Variants in SIPA1L1 observed in about 807,000 individuals in gnomAD.
The protein encoded by SIPA1L1 is signal induced proliferation associated 1 like 1.
A neutral mutation model predicts 162.7 loss-of-function variants in SIPA1L1; 26 were observed. The ratio of observed to expected loss-of-function variants is 0.16; its 90% confidence interval spans 0.12 to 0.22. The LOEUF is 0.22. SIPA1L1 is among the 10% of genes least tolerant of loss of function. The pLI, the probability that SIPA1L1 is intolerant of heterozygous loss-of-function variation, is 1.00. For synonymous variants in SIPA1L1, 829 were observed against 837.4 expected, an observed-to-expected ratio of 0.99 and a Z score of 0.17; for missense variants, 1,874 against 2,241.0, an observed-to-expected ratio of 0.84 and a Z score of 3.31.
At chr14:71,419,478 CTCTT>C (rs2043024442) in intron 2 of SIPA1L1, among the ~76,000 whole-genome samples, 2 of 128,210 alleles carry the variant, frequency 1.6e-5, no homozygotes, top group Non-Finnish European at 3.2e-5. Flanking sequence ...AGGAGGATCT[CTCTT>C]TTTTTTTTTT....
At chr14:71,720,597 A>G (rs1044843578) in intron 17 of SIPA1L1, among the ~76,000 whole-genome samples, 3 of 151,580 alleles carry the variant, frequency 2.0e-5, no homozygotes, top group Non-Finnish European at 2.9e-5. Flanking sequence ...TTTTGAGGCT[A>G]TTTTCTAGCT....
chr14:71,615,417 A>C (rs1567317386), intron 5 of SIPA1L1, among the ~76,000 whole-genome samples: 1 of 152,208 alleles, frequency 6.6e-6, no homozygotes, highest in African/African-American at 2.4e-5. Flanking sequence ...GTCATCTGGC[A>C]GGGTGAATTA....
intron 2 of SIPA1L1, chr14:71,379,663 G>A (rs1017528304): frequency 6.6e-6 from 1 of 152,160 alleles, no homozygotes; most frequent in African/African-American, 2.4e-5. Flanking sequence ...CACTAATTCA[G>A]TGTTATCTTC....
At chr14:71,661,109 C>T (rs1428565085) in intron 9 of SIPA1L1, among the ~76,000 whole-genome samples, 1 of 152,068 alleles carries the variant, frequency 6.6e-6, no homozygotes, top group Non-Finnish European at 1.5e-5. Flanking sequence ...ATCTTTTATG[C>T]AAATTTCAGA....
intron 2 of SIPA1L1, among the ~76,000 whole-genome samples, chr14:71,342,507 A>G (rs1212761978): frequency 6.6e-6 from 1 of 152,232 alleles, no homozygotes; most frequent in Non-Finnish European, 1.5e-5. Flanking sequence ...AAGTGAAGTT[A>G]ATTGAAAATA....
intron 16 of SIPA1L1, 120 bp downstream of exon 16, chr14:71,705,460 T>A: frequency 1.3e-6 from 1 of 792,302 alleles, no homozygotes; most frequent in Non-Finnish European, 2.1e-6. Context: ...TGGCAAAGAG[T>A]GGTCGTTTGC....
At chr14:71,658,513 A>G in intron 9 of SIPA1L1, 77 bp downstream of exon 9, 1 of 937,660 alleles carries the variant, frequency 1.1e-6, no homozygotes. Flanking sequence ...AGTTTGTAAA[A>G]TCTTAAACCA....
intron 2 of SIPA1L1, among the ~76,000 whole-genome samples, chr14:71,442,230 C>T (rs2044947219): frequency 7.0e-6 from 1 of 142,306 alleles, no homozygotes; most frequent in Non-Finnish European, 1.5e-5. Context: ...ATCTTGCGGG[C>T]TAATTAAAAA....
chr14:71,618,903 G>A lies in SIPA1L1; in HGVS notation c.1629+16G>A. On this transcript the variant is annotated intron_variant, in intron 6 of 23. Transcript: ENST00000381232. ...AACTAGTGAGGTAAGTCGCAAATGAGAGAGGTTTGAGGTTTAACTGAAATG... is the reference window on the plus strand; with the variant it reads ...AACTAGTGAGGTAAGTCGCAAATGAAAGAGGTTTGAGGTTTAACTGAAATG... 1.2e-6 allele frequency: 2 copies of A among 1,611,838 alleles called. No homozygotes were observed. Among genetic ancestry groups the A allele is most frequent in the Non-Finnish European group, 1.7e-6 (2 of 1,178,964 alleles).
At chr14:71,575,660 C>T (rs1485792463) in intron 4 of SIPA1L1, among the ~76,000 whole-genome samples, 1 of 152,156 alleles carries the variant, frequency 6.6e-6, no homozygotes, top group African/African-American at 2.4e-5. Flanking sequence ...TGTTTATTTG[C>T]TGGGATTTTA....
chr14:71,718,314 T>G (rs952596185), intron 17 of SIPA1L1, among the ~76,000 whole-genome samples: 3 of 152,186 alleles, frequency 2.0e-5, no homozygotes, highest in African/African-American at 4.8e-5. Flanking sequence ...GTTCATTTGT[T>G]TCTCTCATAA....
chr14:71,738,515 CAGAA>C (rs1566773639), intron 23 of SIPA1L1, among the ~76,000 whole-genome samples, 190 bp downstream of exon 23: 1 of 152,230 alleles, frequency 6.6e-6, no homozygotes, highest in South Asian at 2.1e-4. Context: ...GTCCGGTGTA[CAGAA>C]AAACTGTTCA....
intron 5 of SIPA1L1, among the ~76,000 whole-genome samples, chr14:71,592,232 A>G (rs777865286): frequency 5.3e-5 from 8 of 152,238 alleles, no homozygotes; most frequent in Non-Finnish European, 1.2e-4. Context: ...CACAACTTTC[A>G]AGTCAGACAG....
At chr14:71,481,603 A>C (rs2048357272) in intron 2 of SIPA1L1, among the ~76,000 whole-genome samples, 1 of 152,264 alleles carries the variant, frequency 6.6e-6, no homozygotes, top group Non-Finnish European at 1.5e-5. Flanking sequence ...GACTAAGTGT[A>C]ATTATCCAGA....
intron 2 of SIPA1L1, among the ~76,000 whole-genome samples, chr14:71,448,098 G>A (rs904473249): frequency 2.6e-5 from 4 of 152,162 alleles, no homozygotes; most frequent in South Asian, 2.1e-4. Flanking sequence ...TGTCATCTCC[G>A]TTTTGTAGAT....
intron 14 of SIPA1L1, among the ~76,000 whole-genome samples, chr14:71,701,089 T>C (rs1005719311): frequency 1.3e-5 from 2 of 151,266 alleles, no homozygotes; most frequent in Non-Finnish European, 2.9e-5. Context: ...ATGCTTTATG[T>C]AGATTTTTCT....
At chr14:71,631,424 G>T (rs1177033771) in intron 7 of SIPA1L1, among the ~76,000 whole-genome samples, 1 of 152,108 alleles carries the variant, frequency 6.6e-6, no homozygotes, top group Non-Finnish European at 1.5e-5. Context: ...CTATTGATGG[G>T]CATGTATGTG....
chr14:71,634,453 A>ATT (rs577269874), intron 7 of SIPA1L1, among the ~76,000 whole-genome samples: 1 of 145,748 alleles, frequency 6.9e-6, no homozygotes, highest in African/African-American at 2.5e-5. Flanking sequence ...TGAATCACAG[A>ATT]TTTTTTTTTT....
intron 2 of SIPA1L1, among the ~76,000 whole-genome samples, chr14:71,424,454 A>G (rs1407407445): frequency 6.6e-6 from 1 of 152,040 alleles, no homozygotes; most frequent in African/African-American, 2.4e-5. Context: ...GTTTCTTTCT[A>G]TTCCTAGTTT....
Sources: gnomAD v4.1 joint callset for allele counts (sites outside exome capture counted in the v4.1 genomes callset) on GRCh38, gnomAD v4.1.1 for gene constraint, MANE v1.5 for transcripts, NCBI Gene and HGNC (gene_info 2026-07-23, HGNC 2026-07-21) for gene names.